FLACC1: variants seen among roughly 807,000 people sequenced by gnomAD.
FLACC1 encodes the protein flagellum-associated coiled-coil domain-containing protein 1.
FLACC1 carries 66 observed loss-of-function variants against 62.8 expected under a neutral mutation model. The observed-to-expected ratio is 1.05, with a 90% CI of 0.86 to 1.29. FLACC1 has a LOEUF of 1.29. Among genes scored for constraint, FLACC1 ranks in the 50% most tolerant of loss-of-function variants. The probability of loss-of-function intolerance (pLI) is 0.00; values close to 1 mark genes in which losing one functional copy is unlikely to be tolerated. For synonymous variants in FLACC1, 156 were observed against 161.0 expected (o/e 0.97, Z 0.24); for missense variants, 452 against 489.1 (o/e 0.92, Z 0.71).
Position 201,294,000 on chromosome 2 carries a change from T to A in FLACC1, c.943-4215A>T, listed in dbSNP as rs569927227. On this transcript the variant is annotated intron_variant, in intron 12 of 14. Coordinates refer to ENST00000392257, the MANE Select transcript of FLACC1 (RefSeq NM_001127391.3). ...GAAGTTGAATCCCTGAATAGACCAA[T>A]AACAGGCTCTGAAATTGAGGCAATA... 3.3e-5 allele frequency among the ~76,000 whole-genome samples: 5 copies of A among 152,198 alleles called. No individual in the cohort carries two copies. The East Asian group carries it at 9.6e-4, about 29-fold the overall frequency.
intron 2 of FLACC1, 21 bp downstream of exon 2, chr2:201,351,271 C>G (rs1421535015): frequency 3.2e-6 from 5 of 1,568,692 alleles, no homozygotes; most frequent in Non-Finnish European, 4.4e-6. Context: ...CTGTGCCTAC[C>G]CCATCCCAGA....
rs560526254 is a variant in FLACC1 at position 201,296,002 on chromosome 2, T to C, written c.942+3236A>G. Among the ~76,000 whole-genome samples the C allele has an allele frequency of 1.3e-3, 197 of 152,098 alleles. 2 individuals are homozygous for C. Among genetic ancestry groups the C allele is most frequent in the African/African-American group, 4.6e-3 (191 of 41,486 alleles). On this transcript the variant is annotated intron_variant, in intron 12 of 14. Transcript: ENST00000392257. Reference sequence around the variant, plus strand: ...AGTTAGAATGGCGATCATTAAAAAGTCAGGAAACAACAGGTGCTGGAGAGG... The same window carrying C: ...AGTTAGAATGGCGATCATTAAAAAGCCAGGAAACAACAGGTGCTGGAGAGG...
chr2:201,296,884 T>C (rs1949876973), intron 12 of FLACC1, among the ~76,000 whole-genome samples: 1 of 151,956 alleles, frequency 6.6e-6, no homozygotes, highest in South Asian at 2.1e-4. Flanking sequence ...TCCATGGGGA[T>C]GGATTGGAAG....
intron 11 of FLACC1, among the ~76,000 whole-genome samples, chr2:201,301,142 G>A (rs997085939): frequency 1.3e-5 from 2 of 152,156 alleles, no homozygotes; most frequent in Non-Finnish European, 2.9e-5. Flanking sequence ...CAAGTTAAAG[G>A]AGGATGTTCG....
intron 7 of FLACC1, among the ~76,000 whole-genome samples, chr2:201,341,203 A>G (rs1340052597): frequency 6.6e-6 from 1 of 152,078 alleles, no homozygotes; most frequent in East Asian, 1.9e-4. Flanking sequence ...TAGATAAATA[A>G]ATGTGTAAAT....
chr2:201,338,023 A>G (rs1247984966), intron 7 of FLACC1, among the ~76,000 whole-genome samples: 1 of 152,220 alleles, frequency 6.6e-6, no homozygotes, highest in African/African-American at 2.4e-5. Context: ...CTTCCAGTCC[A>G]TAAGCATGGG....
At chr2:201,343,419 A>T (rs535780772) in intron 6 of FLACC1, among the ~76,000 whole-genome samples, 70 of 152,314 alleles carry the variant, frequency 4.6e-4, no homozygotes, top group African/African-American at 1.7e-3. Flanking sequence ...TAAGGTAATG[A>T]ATCAATAGTT....
rs531612657 is a variant in FLACC1 at position 201,334,311 on chromosome 2, G to T, written c.525-3478C>A. On this transcript the variant is annotated intron_variant, in intron 7 of 14. Transcript: ENST00000392257. ...GTGTCCAACCGTTCTTGCATCCCAGGGGATCAGTCTCACTGGATCATGGTG... is the reference window on the plus strand; with the variant it reads ...GTGTCCAACCGTTCTTGCATCCCAGTGGATCAGTCTCACTGGATCATGGTG... 9.9e-5 allele frequency among the ~76,000 whole-genome samples: 15 copies of T among 152,188 alleles called. No homozygotes were observed. In the South Asian group the frequency reaches 1.9e-3, roughly 19 times the overall value.
chr2:201,326,053 T>C lies in FLACC1; in HGVS notation c.675+4417A>G, dbSNP rs558687583. The stretch of plus-strand genomic sequence containing the variant: ...AATGTGATACATCACATAAACAGAA[T>C]TGAAAACAAAAAACACATGATCATC... On this transcript the variant is annotated intron_variant, in intron 9 of 14. Transcript: ENST00000392257. The surrounding 1 kb of genome is among the most constrained non-coding windows in gnomAD (Gnocchi z 4.1). Among the ~76,000 whole-genome samples, 73 of 152,098 alleles carry C rather than the reference T, an allele frequency of 4.8e-4. No homozygotes were observed. The highest frequency in any genetic ancestry group is 1.7e-3 in the African/African-American group (69 of 41,506).
chr2:201,310,925 C>T (rs1950205616), intron 9 of FLACC1, among the ~76,000 whole-genome samples: 2 of 151,932 alleles, frequency 1.3e-5, no homozygotes, highest in Admixed American at 1.3e-4. Flanking sequence ...AACGACGATC[C>T]AAATAAGCAC....
intron 11 of FLACC1, among the ~76,000 whole-genome samples, chr2:201,304,876 C>T (rs1353710682): frequency 6.6e-6 from 1 of 152,136 alleles, no homozygotes; most frequent in Non-Finnish European, 1.5e-5. Flanking sequence ...AACTGGCTAG[C>T]CATATGTAGA....
chr2:201,363,330 A>G, the FLACC1 span, among the ~76,000 whole-genome samples: 146 of 152,128 alleles, frequency 9.6e-4, 1 homozygote, highest in African/African-American at 3.2e-3. Flanking sequence ...GCAGATCTCC[A>G]GGCATTTGGA....
rs1242559748 is a variant in FLACC1 at position 201,302,936 on chromosome 2, T to C, written c.880-3636A>G. The stretch of plus-strand genomic sequence containing the variant: ...TCTGGGACACATTTAAAGCAGTGTG[T>C]AGAGGGAAATTTATAGCACTAAATG... On this transcript the variant is annotated intron_variant, in intron 11 of 14. Coordinates refer to ENST00000392257, the MANE Select transcript of FLACC1 (RefSeq NM_001127391.3). Among the ~76,000 whole-genome samples, 4 of 152,150 alleles carry C rather than the reference T, an allele frequency of 2.6e-5. No homozygotes were observed. In the East Asian group the frequency reaches 5.8e-4, roughly 22 times the overall value.
At chr2:201,297,853 C>T (rs922588853) in intron 12 of FLACC1, among the ~76,000 whole-genome samples, 3 of 152,062 alleles carry the variant, frequency 2.0e-5, no homozygotes, top group African/African-American at 7.2e-5. Flanking sequence ...GGAGCGGAGC[C>T]CTTAAATCGG....
rs766598034 is a variant in FLACC1, at chr2:201,289,847, C to T, written c.943-62G>A. Reference sequence around the variant, plus strand: ...ATGTCTATTTATTTGGTCTCTTCTCCAGGGCACCTGGACTATGATGAAAGG... The same window carrying T: ...ATGTCTATTTATTTGGTCTCTTCTCTAGGGCACCTGGACTATGATGAAAGG... On this transcript the variant is annotated intron_variant, in intron 12 of 14. Transcript: ENST00000392257. The T allele has an allele frequency of 8.1e-6, 13 of 1,612,652 alleles. No individual in the cohort carries two copies. In the South Asian group the frequency reaches 1.3e-4, roughly 16 times the overall value.
At chr2:201,314,192 GA>G in intron 9 of FLACC1, among the ~76,000 whole-genome samples, 1 of 152,122 alleles carries the variant, frequency 6.6e-6, no homozygotes, top group East Asian at 1.9e-4. Flanking sequence ...TAGCTTACCA[GA>G]TGTGGATCTA....
intron 1 of FLACC1, among the ~76,000 whole-genome samples, chr2:201,353,151 CAT>C (rs1333195975): frequency 1.3e-5 from 2 of 152,210 alleles, no homozygotes; most frequent in Non-Finnish European, 2.9e-5. Flanking sequence ...GCAATAGAAA[CAT>C]AGAAACCTAA....
At chr2:201,334,394 T>G (rs1413807307) in intron 7 of FLACC1, among the ~76,000 whole-genome samples, 5 of 152,218 alleles carry the variant, frequency 3.3e-5, no homozygotes, top group African/African-American at 7.2e-5. Context: ...TAAGGATTTT[T>G]GTATCTAAGT....
chr2:201,309,737 T>C (rs1950177177), intron 9 of FLACC1, among the ~76,000 whole-genome samples: 1 of 151,024 alleles, frequency 6.6e-6, no homozygotes, highest in Admixed American at 6.6e-5. Context: ...TGAAACCCCA[T>C]CTCTACTAAA....
Sources: allele counts gnomAD v4.1 joint callset (sites outside exome capture counted in the v4.1 genomes callset), GRCh38; gene constraint gnomAD v4.1.1; non-coding constraint Gnocchi (gnomAD v3.1); transcripts MANE v1.5; gene names NCBI Gene and HGNC (gene_info 2026-07-23, HGNC 2026-07-21).